TRDN: variants seen among roughly 807,000 people sequenced by gnomAD.
TRDN encodes the protein triadin in skeletal muscle.
Under a neutral mutation model 149.7 loss-of-function variants are expected in TRDN, and 161 were observed. That is an observed-to-expected ratio of 1.08 (90% CI 0.95 to 1.23). The LOEUF (loss-of-function observed/expected upper bound fraction) is 1.23, where lower values mean the gene tolerates loss of function less well. TRDN is among the 50% of genes most tolerant of loss of function. The pLI is 0.00. For synonymous variants in TRDN, 294 were observed against 250.5 expected (o/e 1.17, Z -1.64); for missense variants, 896 against 823.5 (o/e 1.09, Z -1.08).
chr6:123,256,092 C>T (rs1405671699), intron 35 of TRDN, among the ~76,000 whole-genome samples, 190 bp from the exon 36 acceptor site: 1 of 152,030 alleles, frequency 6.6e-6, no homozygotes, highest in Non-Finnish European at 1.5e-5. Context: ...CTCCCCTTAA[C>T]CCCCACCCTC....
intron 9 of TRDN, among the ~76,000 whole-genome samples, chr6:123,473,504 A>T (rs1383655119): frequency 6.6e-5 from 10 of 152,124 alleles, no homozygotes; most frequent in Non-Finnish European, 1.5e-4. Flanking sequence ...AATGGAACCA[A>T]GTTGGAAAAC....
intron 21 of TRDN, among the ~76,000 whole-genome samples, chr6:123,345,214 C>A (rs955078431): frequency 2.0e-5 from 3 of 151,874 alleles, no homozygotes; most frequent in African/African-American, 7.2e-5. Flanking sequence ...AGTTAATTTT[C>A]TTGTGGAGGA....
At chr6:123,498,386 G>A in intron 8 of TRDN, 1 of 316,108 alleles carries the variant, frequency 3.2e-6, no homozygotes. Flanking sequence ...ATTCTGTTAG[G>A]TCTTTAAAAA....
At chr6:123,384,890 A>G (rs952238511) in intron 14 of TRDN, among the ~76,000 whole-genome samples, 5 of 152,174 alleles carry the variant, frequency 3.3e-5, no homozygotes, top group African/African-American at 9.6e-5. Context: ...TATTCATGCT[A>G]TTAAACTTCA....
intron 19 of TRDN, 54 bp from the exon 20 acceptor site, chr6:123,366,236 C>A: frequency 6.8e-7 from 1 of 1,476,148 alleles, no homozygotes. Context: ...ATGCCAAATT[C>A]ACATCTTATA....
chr6:123,397,571 C>A (rs13198492), intron 12 of TRDN, among the ~76,000 whole-genome samples: 2,716 of 152,238 alleles, frequency 0.018, 40 homozygotes, highest in Non-Finnish European at 0.024. Context: ...ATCCAATTGA[C>A]TGCTTTGAAA....
chr6:123,417,237 TAAATTAATTTG>T (rs1026256297), intron 12 of TRDN, among the ~76,000 whole-genome samples: 23 of 152,318 alleles, frequency 1.5e-4, no homozygotes, highest in African/African-American at 5.1e-4. Flanking sequence ...TGAAATTTTC[TAAATTAATTTG>T]AGGGAAGCAT....
chr6:123,598,031 A>G (rs1411556830), intron 1 of TRDN, among the ~76,000 whole-genome samples: 1 of 152,118 alleles, frequency 6.6e-6, no homozygotes, highest in African/African-American at 2.4e-5. Flanking sequence ...TTATTTTAAT[A>G]AGGCATTAAG....
chr6:123,244,989 C>T (rs1240119567), intron 38 of TRDN, among the ~76,000 whole-genome samples: 1 of 152,110 alleles, frequency 6.6e-6, no homozygotes, highest in Non-Finnish European at 1.5e-5. Flanking sequence ...CATATCCAAC[C>T]AAACTAAGCT....
chr6:123,381,115 T>C (rs1781702925), intron 16 of TRDN, among the ~76,000 whole-genome samples: 1 of 152,128 alleles, frequency 6.6e-6, no homozygotes, highest in South Asian at 2.1e-4. Context: ...AGTTTTACTT[T>C]TGATTACAAG....
At chr6:123,274,847 T>C (rs1777317725) in intron 26 of TRDN, among the ~76,000 whole-genome samples, 177 bp from the exon 27 acceptor site, 1 of 152,034 alleles carries the variant, frequency 6.6e-6, no homozygotes, top group Non-Finnish European at 1.5e-5. Flanking sequence ...CACTCCAGCT[T>C]AGGTGACAGA....
At chr6:123,364,094 C>T (rs1401935651) in intron 20 of TRDN, among the ~76,000 whole-genome samples, 1 of 152,206 alleles carries the variant, frequency 6.6e-6, no homozygotes, top group Non-Finnish European at 1.5e-5. Flanking sequence ...AATCCTTCCA[C>T]CACGAGGCTT....
Position 123,268,211 on chromosome 6 carries a change from T to C in TRDN, c.1739-460A>G, listed in dbSNP as rs146739061. Among the ~76,000 whole-genome samples the C allele has an allele frequency of 3.2e-3, 487 of 152,180 alleles. 4 individuals carry two copies. Among genetic ancestry groups the C allele is most frequent in the African/African-American group, 0.011 (453 of 41,562 alleles). ...TGCACTGCTGAACACTAGTTTCTTATTGAAAATTTAAACTAAATCTGCTGT... is the reference window on the plus strand; with the variant it reads ...TGCACTGCTGAACACTAGTTTCTTACTGAAAATTTAAACTAAATCTGCTGT... On this transcript the variant is annotated intron_variant, in intron 31 of 40. Transcript: ENST00000334268.
chr6:123,245,880 TAAC>T (rs1284716502), intron 38 of TRDN, among the ~76,000 whole-genome samples: 1 of 151,432 alleles, frequency 6.6e-6, no homozygotes, highest in Non-Finnish European at 1.5e-5. Flanking sequence ...ATGTAAATCA[TAAC>T]AGTCACTCAG....
At chr6:123,324,741 C>A (rs1582873604) in intron 23 of TRDN, among the ~76,000 whole-genome samples, 1 of 152,140 alleles carries the variant, frequency 6.6e-6, no homozygotes, top group South Asian at 2.1e-4. Context: ...TATAAAAATT[C>A]TCAGTGCTTG....
intron 2 of TRDN, among the ~76,000 whole-genome samples, chr6:123,569,922 T>G (rs1038387607): frequency 2.0e-5 from 3 of 152,208 alleles, no homozygotes; most frequent in African/African-American, 2.4e-5. Context: ...ATATCACACC[T>G]TTATGCCAAT....
intron 12 of TRDN, among the ~76,000 whole-genome samples, chr6:123,393,926 T>C (rs1044193194): frequency 1.3e-5 from 2 of 152,172 alleles, no homozygotes; most frequent in Non-Finnish European, 2.9e-5. Context: ...CACTGTTAAC[T>C]GGCCATGGAA....
intron 2 of TRDN, among the ~76,000 whole-genome samples, chr6:123,563,313 G>C (rs893714295): frequency 7.2e-5 from 11 of 152,182 alleles, no homozygotes; most frequent in African/African-American, 2.4e-4. Context: ...ACTGGAGCTA[G>C]ACCTATGTCA....
At chr6:123,328,212 C>A (rs562191486) in intron 23 of TRDN, among the ~76,000 whole-genome samples, 397 of 152,314 alleles carry the variant, frequency 2.6e-3, no homozygotes, top group African/African-American at 9.1e-3. Flanking sequence ...GAATCTAAAT[C>A]TTCCCTGGTG....
Sources: gnomAD v4.1 joint callset for allele counts (sites outside exome capture counted in the v4.1 genomes callset) on GRCh38, gnomAD v4.1.1 for gene constraint, MANE v1.5 for transcripts, NCBI Gene and HGNC (gene_info 2026-07-23, HGNC 2026-07-21) for gene names.